NAALADL2: variants seen among roughly 807,000 people sequenced by gnomAD.
NAALADL2 encodes N-acetylated alpha-linked acidic dipeptidase like 2, also known as inactive N-acetylated-alpha-linked acidic dipeptidase-like protein 2.
Under a neutral mutation model 87.2 loss-of-function variants are expected in NAALADL2, and 76 were observed. That is an observed-to-expected ratio of 0.87 (90% CI 0.72 to 1.05). The LOEUF (loss-of-function observed/expected upper bound fraction) is 1.05. Among genes scored for constraint, NAALADL2 ranks in the 50% least tolerant of loss-of-function variants. The pLI, the probability that NAALADL2 is intolerant of heterozygous loss-of-function variation, is 0.00. For synonymous variants in NAALADL2, 354 were observed against 331.0 expected (o/e 1.07, Z -0.75); for missense variants, 1,089 against 945.8 (o/e 1.15, Z -1.99).
At chr3:174,528,607 A>G (rs1051233477) in intron 1 of NAALADL2, among the ~76,000 whole-genome samples, 2 of 152,102 alleles carry the variant, frequency 1.3e-5, no homozygotes, top group African/African-American at 4.8e-5. Context: ...GCCTGGGTGT[A>G]TTAGTTTTCA....
chr3:174,669,054 A>T (rs540740), intron 2 of NAALADL2, among the ~76,000 whole-genome samples: 96,497 of 151,634 alleles, frequency 0.64, 31,426 homozygotes, highest in Admixed American at 0.72. Flanking sequence ...AAAGTGTTCC[A>T]ATTTCTCCAC....
At chr3:174,501,089 T>TATACTAAGATAGTAGTAGGTTAATGC (rs1560017562) in intron 1 of NAALADL2, among the ~76,000 whole-genome samples, 1 of 147,378 alleles carries the variant, frequency 6.8e-6, no homozygotes, top group African/African-American at 2.6e-5. Context: ...TTTTTTTTTT[T>TATACTAAGATAGTAGTAGGTTAATGC]TTTTTTTGAG....
At chr3:174,569,334 T>A (rs1233410499) in intron 2 of NAALADL2, among the ~76,000 whole-genome samples, 3 of 151,998 alleles carry the variant, frequency 2.0e-5, no homozygotes, top group Non-Finnish European at 4.4e-5. Context: ...AATTAAAAAC[T>A]TAAGCATTAT....
intron 1 of NAALADL2, among the ~76,000 whole-genome samples, chr3:175,067,646 A>G (rs114775828): frequency 0.021 from 3,131 of 152,198 alleles, 48 homozygotes; most frequent in Non-Finnish European, 0.03. Context: ...GTTGGTGGGA[A>G]TGTAAATTAG....
intron 1 of NAALADL2, among the ~76,000 whole-genome samples, chr3:174,872,295 A>G (rs914206679): frequency 7.2e-5 from 11 of 152,186 alleles, no homozygotes; most frequent in Non-Finnish European, 1.2e-4. Flanking sequence ...CACGTCCACC[A>G]CATGAAAATG....
At chr3:174,868,163 G>A (rs1248768715) in intron 1 of NAALADL2, among the ~76,000 whole-genome samples, 2 of 152,040 alleles carry the variant, frequency 1.3e-5, no homozygotes, top group South Asian at 2.1e-4. Flanking sequence ...AGGTTATTTT[G>A]GAAGAAGGAG....
intron 11 of NAALADL2, among the ~76,000 whole-genome samples, chr3:175,672,985 C>A (rs1734214340): frequency 6.6e-6 from 1 of 151,864 alleles, no homozygotes; most frequent in African/African-American, 2.4e-5. Context: ...GTTATATTAC[C>A]CAAGCCATAG....
chr3:174,553,696 G>A (rs1712421535), intron 2 of NAALADL2, among the ~76,000 whole-genome samples: 1 of 152,052 alleles, frequency 6.6e-6, no homozygotes, highest in East Asian at 1.9e-4. Context: ...ACTTCAAGTA[G>A]CACATTAAGA....
At chr3:174,561,152 G>C (rs558086495) in intron 2 of NAALADL2, among the ~76,000 whole-genome samples, 1 of 151,666 alleles carries the variant, frequency 6.6e-6, no homozygotes, top group East Asian at 1.9e-4. Context: ...ATTACTAAGA[G>C]GAAATATGGA....
At chr3:174,567,949 C>T (rs996848398) in intron 2 of NAALADL2, among the ~76,000 whole-genome samples, 1 of 151,614 alleles carries the variant, frequency 6.6e-6, no homozygotes, top group Non-Finnish European at 1.5e-5. Context: ...ATAAAAATTA[C>T]CACCTCTCTA....
At chr3:175,221,863 C>A (rs1454935661) in intron 2 of NAALADL2, among the ~76,000 whole-genome samples, 2 of 152,052 alleles carry the variant, frequency 1.3e-5, no homozygotes, top group Admixed American at 6.6e-5. Context: ...CAACTTCCAC[C>A]TCCCAGGTTC....
intron 1 of NAALADL2, among the ~76,000 whole-genome samples, chr3:175,051,431 C>A (rs578049967): frequency 6.6e-6 from 1 of 152,056 alleles, no homozygotes; most frequent in African/African-American, 2.4e-5. Context: ...GCTCACAGAC[C>A]TGTGGAGGTG....
chr3:175,066,833 A>G (rs1419403854), intron 1 of NAALADL2, among the ~76,000 whole-genome samples: 4 of 152,118 alleles, frequency 2.6e-5, no homozygotes, highest in African/African-American at 9.7e-5. Flanking sequence ...ACATGTAGGC[A>G]ATCTAGTGTT....
chr3:175,471,594 A>G (rs1013702995), intron 8 of NAALADL2, 45 bp from the exon 9 acceptor site: 2 of 1,093,966 alleles, frequency 1.8e-6, no homozygotes, highest in Non-Finnish European at 2.7e-6. Context: ...AGTAGAATCT[A>G]TTTATTTGTC....
At chr3:175,074,990 G>C (rs1250596349) in intron 1 of NAALADL2, among the ~76,000 whole-genome samples, 1 of 152,116 alleles carries the variant, frequency 6.6e-6, no homozygotes, top group Non-Finnish European at 1.5e-5. Context: ...AGGTGTTAGA[G>C]AGATACGTAA....
At chr3:175,507,669 C>G (rs1053358483) in intron 9 of NAALADL2, among the ~76,000 whole-genome samples, 1 of 152,126 alleles carries the variant, frequency 6.6e-6, no homozygotes, top group African/African-American at 2.4e-5. Flanking sequence ...GGTGATCTGC[C>G]CACCTCGGCC....
At chr3:175,669,420 C>G (rs1214549572) in intron 11 of NAALADL2, among the ~76,000 whole-genome samples, 1 of 152,076 alleles carries the variant, frequency 6.6e-6, no homozygotes, top group Non-Finnish European at 1.5e-5. Context: ...GCTTTCATCA[C>G]ATTTTATAAT....
chr3:174,522,378 G>T (rs929468403), intron 1 of NAALADL2, among the ~76,000 whole-genome samples: 2 of 152,232 alleles, frequency 1.3e-5, no homozygotes, highest in Non-Finnish European at 2.9e-5. Flanking sequence ...CTATAAAAGA[G>T]ACTGCAAGGG....
At chr3:175,633,199 G>T (rs1311135176) in intron 11 of NAALADL2, among the ~76,000 whole-genome samples, 1 of 151,988 alleles carries the variant, frequency 6.6e-6, no homozygotes, top group African/African-American at 2.4e-5. Context: ...CAATTTTTTG[G>T]AATTCTTGTT....
Sources: gnomAD v4.1 joint callset for allele counts (sites outside exome capture counted in the v4.1 genomes callset) on GRCh38, gnomAD v4.1.1 for gene constraint, MANE v1.5 for transcripts, NCBI Gene and HGNC (gene_info 2026-07-23, HGNC 2026-07-21) for gene names.